Variants in PELI2 observed in about 807,000 individuals in gnomAD.
PELI2 encodes E3 ubiquitin-protein ligase pellino homolog 2.
In PELI2, 23 loss-of-function variants were observed where a neutral mutation model predicts 42.3. That is an observed-to-expected ratio of 0.54 (90% CI 0.39 to 0.77). The LOEUF is 0.77. Among genes scored for constraint, PELI2 ranks in the 30% least tolerant of loss-of-function variants. PELI2 has a pLI of 0.00. For synonymous variants in PELI2, 245 were observed against 212.2 expected (o/e 1.15, Z -1.34); for missense variants, 463 against 553.2 (o/e 0.84, Z 1.64).
intron 2 of PELI2, among the ~76,000 whole-genome samples, chr14:56,220,300 G>T (rs774012944): frequency 6.6e-6 from 1 of 152,176 alleles, no homozygotes; most frequent in Non-Finnish European, 1.5e-5. Flanking sequence ...ACACCAGCAG[G>T]GGTGTGTACT....
rs1890091243 is a variant in PELI2, at chr14:56,298,812, CATTG to C, written c.*1647_*1650del. The C allele has an allele frequency of 6.6e-6, 1 of 152,470 alleles. No individual in the cohort carries two copies. The highest frequency in any genetic ancestry group is 2.4e-5 in the African/African-American group (1 of 41,438). The allele number at this position is 152,470 out of a possible 1,614,324, so 9.4% of individuals were successfully genotyped here. On this transcript the variant is annotated 3_prime_UTR_variant, in exon 6 of 6. Coordinates refer to ENST00000267460, the MANE Select transcript of PELI2 (RefSeq NM_021255.3). ...TATAGCTTTATTTTTCAGTGGAGAT[CATTG>C]TTTAGGATGAGACATTTTTGGTTTT...
intron 2 of PELI2, among the ~76,000 whole-genome samples, chr14:56,242,672 A>G (rs2139797258): frequency 6.6e-6 from 1 of 152,358 alleles, no homozygotes; most frequent in Non-Finnish European, 1.5e-5. Flanking sequence ...CTACTCAGCC[A>G]TAAAAAGGAA....
At chr14:56,130,108 C>G (rs1005559225) in intron 1 of PELI2, among the ~76,000 whole-genome samples, 2 of 151,898 alleles carry the variant, frequency 1.3e-5, no homozygotes, top group Admixed American at 6.6e-5. Context: ...TGGCTAGACT[C>G]TTGCTGCTTA....
chr14:56,208,213 A>G (rs1293307126), intron 2 of PELI2, among the ~76,000 whole-genome samples: 3 of 152,186 alleles, frequency 2.0e-5, no homozygotes, highest in African/African-American at 4.8e-5. Context: ...AGCTCCTACT[A>G]AAGTCATTGA....
intron 1 of PELI2, among the ~76,000 whole-genome samples, chr14:56,156,730 A>G (rs191357439): frequency 2.2e-4 from 34 of 152,344 alleles, no homozygotes; most frequent in African/African-American, 7.0e-4. Flanking sequence ...TAAATTTTAT[A>G]TAACTGCAAT....
At chr14:56,173,992 C>T (rs1330681834) in intron 1 of PELI2, among the ~76,000 whole-genome samples, 1 of 152,062 alleles carries the variant, frequency 6.6e-6, no homozygotes, top group Non-Finnish European at 1.5e-5. Context: ...ACCTCTGCTT[C>T]CTGGGTTCAA....
intron 2 of PELI2, among the ~76,000 whole-genome samples, chr14:56,216,744 A>T (rs1444296645): frequency 6.6e-6 from 1 of 152,204 alleles, no homozygotes; most frequent in Non-Finnish European, 1.5e-5. Context: ...TGCTTTCAGG[A>T]TTCATGTCAT....
chr14:56,185,840 A>T (rs1404810488), intron 2 of PELI2, among the ~76,000 whole-genome samples: 3 of 152,096 alleles, frequency 2.0e-5, no homozygotes, highest in African/African-American at 7.2e-5. Flanking sequence ...TCTGGGTAGA[A>T]TTATTCATTG....
chr14:56,170,083 C>T (rs986337205), intron 1 of PELI2, among the ~76,000 whole-genome samples: 3 of 152,170 alleles, frequency 2.0e-5, no homozygotes, highest in Non-Finnish European at 2.9e-5. Flanking sequence ...TCTAGTGTCA[C>T]GTCCTGTTCA....
chr14:56,292,130 AAAG>A (rs1187656361), intron 5 of PELI2, among the ~76,000 whole-genome samples: 10 of 152,356 alleles, frequency 6.6e-5, no homozygotes, highest in African/African-American at 2.4e-4. Flanking sequence ...GTGCGACTGA[AAAG>A]AACGAACTCC....
intron 1 of PELI2, among the ~76,000 whole-genome samples, chr14:56,127,380 G>A (rs1277637261): frequency 6.6e-6 from 1 of 152,220 alleles, no homozygotes; most frequent in Non-Finnish European, 1.5e-5. Flanking sequence ...GGAAGGACCA[G>A]AAGAATGTTT....
intron 5 of PELI2, among the ~76,000 whole-genome samples, chr14:56,292,384 A>G (rs1889858770): frequency 6.6e-6 from 1 of 152,222 alleles, no homozygotes; most frequent in African/African-American, 2.4e-5. Flanking sequence ...TCTGTCTTCG[A>G]GGAAAGCTTA....
At chr14:56,234,705 C>G (rs1887721325) in intron 2 of PELI2, among the ~76,000 whole-genome samples, 1 of 152,000 alleles carries the variant, frequency 6.6e-6, no homozygotes, top group Admixed American at 6.6e-5. Flanking sequence ...ACATATGTAA[C>G]AAAGCTGCAC....
chr14:56,157,555 G>A lies in PELI2; in HGVS notation c.78-20780G>A, dbSNP rs114098921. On this transcript the variant is annotated intron_variant, in intron 1 of 5. Coordinates refer to ENST00000267460, the MANE Select transcript of PELI2 (RefSeq NM_021255.3). ...CTCCCCCCCAAAAAAAATCTCTCAG[G>A]GGTAATTGAACAAAGCCAAAATGAT... Among the ~76,000 whole-genome samples the A allele has an allele frequency of 7.0e-3, 1,060 of 152,166 alleles. 16 individuals carry two copies. The highest frequency in any genetic ancestry group is 0.024 in the African/African-American group (988 of 41,502).
At chr14:56,177,064 TA>T (rs1437410591) in intron 1 of PELI2, among the ~76,000 whole-genome samples, 2 of 152,230 alleles carry the variant, frequency 1.3e-5, no homozygotes, top group African/African-American at 4.8e-5. Context: ...AGACTTGAAA[TA>T]AATTATCTTT....
rs1888123894 is a variant in PELI2, at chr14:56,245,593, A to G, written c.208-34083A>G. Among the ~76,000 whole-genome samples the G allele has an allele frequency of 3.3e-5, 5 of 152,128 alleles. No homozygotes were observed. The South Asian group carries it at 1.0e-3, about 31-fold the overall frequency. On this transcript the variant is annotated intron_variant, in intron 2 of 5. Coordinates refer to ENST00000267460, the MANE Select transcript of PELI2 (RefSeq NM_021255.3). ...TCTGGCCTGGTGTTTATGTGATTCT[A>G]TACAGGCAAATTTTCTTTCTTTGGG...
chr14:56,144,474 T>G (rs909122853), intron 1 of PELI2, among the ~76,000 whole-genome samples: 3 of 152,186 alleles, frequency 2.0e-5, no homozygotes, highest in Admixed American at 2.0e-4. Flanking sequence ...CCACAGGCTA[T>G]CTAGGAGAAT....
At chr14:56,227,555 C>T (rs1332221182) in intron 2 of PELI2, among the ~76,000 whole-genome samples, 1 of 152,172 alleles carries the variant, frequency 6.6e-6, no homozygotes, top group Non-Finnish European at 1.5e-5. Context: ...TCAGTACGTG[C>T]AGACATAGAA....
At chr14:56,177,462 A>G (rs1885422732) in intron 1 of PELI2, among the ~76,000 whole-genome samples, 1 of 152,118 alleles carries the variant, frequency 6.6e-6, no homozygotes, top group South Asian at 2.1e-4. Context: ...TTTTTTCTTG[A>G]AAAGAACTTC....
Sources: allele counts gnomAD v4.1 joint callset (sites outside exome capture counted in the v4.1 genomes callset), GRCh38; gene constraint gnomAD v4.1.1; transcripts MANE v1.5; gene names NCBI Gene and HGNC (gene_info 2026-07-23, HGNC 2026-07-21).